Variants in EXOSC10 observed in about 807,000 individuals in gnomAD.
EXOSC10 encodes the protein exosome complex component 10.
Under a neutral mutation model 126.6 loss-of-function variants are expected in EXOSC10, and 94 were observed. The observed-to-expected ratio is 0.74, with a 90% confidence interval of 0.63 to 0.88. The LOEUF (loss-of-function observed/expected upper bound fraction) is 0.88, where lower values mean the gene tolerates loss of function less well. Ranked by LOEUF, EXOSC10 falls within the 40% of genes least tolerant of loss-of-function variation. EXOSC10 has a pLI of 0.00. For missense variants in EXOSC10, 1,041 were observed against 1,100.5 expected, an observed-to-expected ratio of 0.95 and a Z score of 0.77; for synonymous variants, 395 against 400.8, an observed-to-expected ratio of 0.99 and a Z score of 0.17.
At position 11,077,013 on chromosome 1, in the gene EXOSC10, T is replaced by TG. The variant is rs938515292; in HGVS notation, c.1880-66dup. 4.5e-6 allele frequency: 6 copies of TG among 1,341,174 alleles called. No homozygotes were observed. In the African/African-American group the frequency reaches 7.2e-5, roughly 16 times the overall value. 83.1% of individuals were successfully genotyped at this position (1,341,174 alleles called of 1,614,324 possible). A position where few individuals can be genotyped will look rare whatever the true frequency, so the allele number is the denominator to read the frequency against. Reference sequence around the variant, plus strand: ...TTTTGTTTATTTTTTCTTTTTGAGATGGAGTTTTAGTGTAGTCCCCTAGGC... The same window carrying TG: ...TTTTGTTTATTTTTTCTTTTTGAGATGGGAGTTTTAGTGTAGTCCCCTAGGC... On this transcript the variant is annotated intron_variant, in intron 16 of 24. Transcript: ENST00000376936.
chr1:11,080,801 T>A lies in EXOSC10; in HGVS notation c.1549A>T (p.Arg517Trp). The A allele has an allele frequency of 6.2e-7, 1 of 1,614,164 alleles. No individual in the cohort carries two copies. Among genetic ancestry groups the A allele is most frequent in the Non-Finnish European group, 8.5e-7 (1 of 1,180,010 alleles). Residue 517 changes from arginine (R) to tryptophan (W), a missense_variant, in exon 12 of 25, where the codon AGG (arginine) becomes TGG (tryptophan). By Grantham distance (101) the Arg-to-Trp change is moderately radical (BLOSUM62 -3). Transcript: ENST00000376936. ...LTAFQLLFAW[R>W]DKTARREDES... ...TCTTCCCTGCGAGCTGTTTTATCCC[T>A]CCAGGCAAACAGCAGCTGAAAGGCT...
intron 16 of EXOSC10, 40 bp from the exon 17 acceptor site, chr1:11,076,988 TTTTG>T (rs766154688): frequency 1.3e-6 from 2 of 1,514,718 alleles, no homozygotes; most frequent in Admixed American, 1.7e-5. Context: ...GCCTACAGAA[TTTTG>T]TTTATTTTTT....
At chr1:11,070,998 G>C (rs1228503658) in intron 20 of EXOSC10, 25 bp from the exon 21 acceptor site, 2 of 1,610,322 alleles carry the variant, frequency 1.2e-6, no homozygotes, top group Admixed American at 1.7e-5. Context: ...ACTTGTCTCT[G>C]GAGTTGGTGA....
chr1:11,090,868 C>T, intron 5 of EXOSC10, 146 bp downstream of exon 5: 8 of 986,038 alleles, frequency 8.1e-6, no homozygotes, highest in South Asian at 8.1e-5. Context: ...CCTCCCACTT[C>T]AGCCTCTGGA....
At chr1:11,071,711 C>T (rs576114129) in intron 20 of EXOSC10, 25 of 119,384 alleles carry the variant, frequency 2.1e-4, no homozygotes, top group Non-Finnish European at 3.6e-4. Context: ...CTTCTCTACC[C>T]GCTCTGCTCA....
intron 4 of EXOSC10, 65 bp downstream of exon 4, chr1:11,091,428 G>T (rs1287484008): frequency 1.4e-5 from 20 of 1,402,644 alleles, no homozygotes; most frequent in Non-Finnish European, 1.9e-5. Flanking sequence ...ATGCATGTTA[G>T]AATGAGCAAA....
chr1:11,082,449 CT>C (rs1279944205), intron 10 of EXOSC10: 21 of 1,028,750 alleles, frequency 2.0e-5, no homozygotes, highest in East Asian at 3.0e-5. Context: ...TGCGGCACCT[CT>C]TTTTCAACCA....
Position 11,080,509 on chromosome 1 carries a change from C to G in EXOSC10, c.1627G>C (p.Glu543Gln), listed in dbSNP as rs1217852912. The G allele has an allele frequency of 6.2e-7, 1 of 1,608,794 alleles. No homozygotes were observed. Among genetic ancestry groups the G allele is most frequent in the African/African-American group, 1.4e-5 (1 of 73,796 alleles). ...AGATTTGAAACTCACTTAGGCAGTT[C>G]TTCAGCTATTTTCAGCATCATGTGG... Reference protein sequence around the residue: ...PNHMMLKIAEELPKEPQGIIA... With the variant: ...PNHMMLKIAEQLPKEPQGIIA... The change falls in exon 13 of 25, where the codon GAA (glutamate) becomes CAA (glutamine). Residue 543 changes from glutamate to glutamine, a missense_variant. Glu to Gln is a conservative substitution (Grantham distance 29, BLOSUM62 2). Transcript: ENST00000376936.
chr1:11,077,017 GT>G, intron 16 of EXOSC10, 69 bp from the exon 17 acceptor site: 1 of 1,224,806 alleles, frequency 8.2e-7, no homozygotes, highest in South Asian at 1.2e-5. Flanking sequence ...TTGAGATGGA[GT>G]TTTAGTGTAG....
chr1:11,093,634 G>C (rs1404297241), intron 3 of EXOSC10, among the ~76,000 whole-genome samples: 1 of 152,214 alleles, frequency 6.6e-6, no homozygotes, highest in Non-Finnish European at 1.5e-5. Context: ...TAAATAGATA[G>C]TAAGCAAGAC....
At chr1:11,089,925 C>T (rs1392992819) in intron 6 of EXOSC10, among the ~76,000 whole-genome samples, 3 of 151,720 alleles carry the variant, frequency 2.0e-5, no homozygotes, top group Non-Finnish European at 4.4e-5. Flanking sequence ...GTCTGGGCGA[C>T]AGAGCAAGAC....
At chr1:11,069,244 T>TGTGTGTGTGTGTGTGTGTGAGAGAGAGA in intron 22 of EXOSC10, among the ~76,000 whole-genome samples, 4 of 116,896 alleles carry the variant, frequency 3.4e-5, no homozygotes, top group African/African-American at 5.4e-5. Flanking sequence ...TGTGTGTGTG[T>TGTGTGTGTGTGTGTGTGTGAGAGAGAGA]GAGAGAGAGA....
intron 9 of EXOSC10, among the ~76,000 whole-genome samples, chr1:11,083,533 G>C (rs1640295195): frequency 8.6e-6 from 1 of 116,698 alleles, no homozygotes; most frequent in Admixed American, 1.2e-4. Context: ...TTGTACTCCA[G>C]CCTGGGCAAC....
At chr1:11,068,735 C>T (rs183823391) in intron 22 of EXOSC10, 29 bp from the exon 23 acceptor site, 32 of 1,585,570 alleles carry the variant, frequency 2.0e-5, no homozygotes, top group African/African-American at 1.2e-4. Context: ...GAGAGACCTG[C>T]GGTCAGGTCA....
chr1:11,068,212 G>A, intron 23 of EXOSC10, 128 bp from the exon 24 acceptor site: 1 of 717,670 alleles, frequency 1.4e-6, no homozygotes. Context: ...CCCTGAGAGA[G>A]GATGTTTCTG....
intron 14 of EXOSC10, among the ~76,000 whole-genome samples, chr1:11,078,938 T>TG (rs1639980768): frequency 6.6e-6 from 1 of 152,148 alleles, no homozygotes; most frequent in Admixed American, 6.6e-5. Context: ...ACACACACAC[T>TG]GGATTTCCTA....
rs1173406235 is a variant in EXOSC10 at position 11,081,131 on chromosome 1, G to A, written c.1388C>T (p.Pro463Leu). 5 of 1,614,174 alleles carry A rather than the reference G, an allele frequency of 3.1e-6. No homozygotes were observed. The highest frequency in any genetic ancestry group is 2.2e-5 in the South Asian group (2 of 91,082). The change falls in exon 11 of 25, where the codon CCG (proline) becomes CTG (leucine). Residue 463 changes from proline (P) to leucine (L), a missense_variant. Coordinates refer to ENST00000376936, the MANE Select transcript of EXOSC10 (RefSeq NM_001001998.3). ...TTGCCACACCACCTGCAGCTGCACCGGCTGCCCGTTGCCGCGCTCCCACAT... is the reference window on the plus strand; with the variant it reads ...TTGCCACACCACCTGCAGCTGCACCAGCTGCCCGTTGCCGCGCTCCCACAT... ...LEMWERGNGQPVQLQVVWQRS... is the reference protein window; with the variant it reads ...LEMWERGNGQLVQLQVVWQRS...
chr1:11,077,230 A>T (rs1639868540), intron 16 of EXOSC10, 135 bp downstream of exon 16: 1 of 875,344 alleles, frequency 1.1e-6, no homozygotes, highest in South Asian at 1.6e-5. Flanking sequence ...ACCTCAGGTG[A>T]TCTACCCGCC....
At chr1:11,077,219 G>T in intron 16 of EXOSC10, 146 bp downstream of exon 16, 1 of 798,318 alleles carries the variant, frequency 1.3e-6, no homozygotes, top group Non-Finnish European at 2.0e-6. Context: ...TCAAACTCCT[G>T]ACCTCAGGTG....
Sources: allele counts gnomAD v4.1 joint callset (sites outside exome capture counted in the v4.1 genomes callset), GRCh38; gene constraint gnomAD v4.1.1; transcripts MANE v1.5; gene names NCBI Gene and HGNC (gene_info 2026-07-23, HGNC 2026-07-21).